Variants in EBF1 observed in about 807,000 individuals in gnomAD.
EBF1 encodes the protein EBF transcription factor 1, also known as transcription factor COE1.
In EBF1, 10 loss-of-function variants were observed where a neutral mutation model predicts 68.4. That is an observed-to-expected ratio of 0.15 (90% CI 0.09 to 0.25). The LOEUF (loss-of-function observed/expected upper bound fraction) is 0.25, where lower values mean the gene tolerates loss of function less well. Among genes scored for constraint, EBF1 ranks in the 10% least tolerant of loss-of-function variants. The pLI is 1.00. For missense variants in EBF1, 509 were observed against 794.4 expected, an observed-to-expected ratio of 0.64 and a Z score of 4.32; for synonymous variants, 298 against 299.8, an observed-to-expected ratio of 0.99 and a Z score of 0.06.
intron 6 of EBF1, among the ~76,000 whole-genome samples, chr5:159,043,019 A>G (rs1247185453): frequency 6.6e-6 from 1 of 152,224 alleles, no homozygotes; most frequent in African/African-American, 2.4e-5. Context: ...TGAAATAATA[A>G]TAGTAGCTGA....
At chr5:158,729,594 T>A (rs1763659703) in intron 11 of EBF1, among the ~76,000 whole-genome samples, 1 of 152,182 alleles carries the variant, frequency 6.6e-6, no homozygotes, top group African/African-American at 2.4e-5. Context: ...ATACCATGGG[T>A]GGAGACTGCT....
At chr5:159,097,519 A>AC (rs1213639189) in intron 1 of EBF1, 8 of 256,192 alleles carry the variant, frequency 3.1e-5, no homozygotes, top group Non-Finnish European at 4.5e-5. Context: ...ATATTCCGGC[A>AC]CCCCTCGAAT....
At chr5:158,878,164 T>C (rs1429358902) in intron 6 of EBF1, among the ~76,000 whole-genome samples, 1 of 152,032 alleles carries the variant, frequency 6.6e-6, no homozygotes, top group East Asian at 1.9e-4. Flanking sequence ...AAATCACCTA[T>C]GACTTTGCAA....
In EBF1 at chr5:159,023,528, A is replaced by C. The variant is rs574210873; in HGVS notation, c.554+49868T>G. Among the ~76,000 whole-genome samples the C allele has an allele frequency of 3.3e-5, 5 of 152,264 alleles. No individual in the cohort carries two copies. In the South Asian group the frequency reaches 1.0e-3, roughly 32 times the overall value. On this transcript the variant is annotated intron_variant, in intron 6 of 15. Coordinates refer to ENST00000313708, the MANE Select transcript of EBF1 (RefSeq NM_024007.5). ...TTCCACGGTCTGAAAACACATCTCC[A>C]AGGAGTGAAGCCCTTGGAACAGAGG...
intron 5 of EBF1, among the ~76,000 whole-genome samples, chr5:159,076,118 C>A (rs1222079137): frequency 1.3e-5 from 2 of 151,572 alleles, no homozygotes; most frequent in African/African-American, 2.4e-5. Context: ...TACTGTCTTT[C>A]TCCCTCTTCT....
At chr5:158,714,038 CTT>C in intron 12 of EBF1, 77 bp downstream of exon 12, 1 of 1,466,154 alleles carries the variant, frequency 6.8e-7, no homozygotes, top group South Asian at 1.1e-5. Flanking sequence ...ATTGTTTGTG[CTT>C]TCTCATTACG....
At chr5:159,094,984 G>A (rs1379383635) in intron 4 of EBF1, among the ~76,000 whole-genome samples, 1 of 152,106 alleles carries the variant, frequency 6.6e-6, no homozygotes, top group Non-Finnish European at 1.5e-5. Context: ...AGAAAATGCC[G>A]TCTATGTACC....
chr5:158,799,437 T>G (rs981384171), intron 8 of EBF1, among the ~76,000 whole-genome samples: 24 of 119,968 alleles, frequency 2.0e-4, no homozygotes, highest in African/African-American at 6.5e-4. Flanking sequence ...ATAAATTAAT[T>G]AATTAAATTA....
At chr5:159,000,873 G>C (rs912430883) in intron 6 of EBF1, among the ~76,000 whole-genome samples, 1 of 152,102 alleles carries the variant, frequency 6.6e-6, no homozygotes, top group African/African-American at 2.4e-5. Context: ...TTAATGTAAG[G>C]AGTTAAAAAA....
chr5:158,830,280 A>AT (rs547266683), intron 7 of EBF1, among the ~76,000 whole-genome samples: 178 of 149,328 alleles, frequency 1.2e-3, no homozygotes, highest in Middle Eastern at 3.4e-3. Context: ...CTGGCCTTTC[A>AT]TTTTTTTTTT....
intron 6 of EBF1, among the ~76,000 whole-genome samples, chr5:158,924,250 T>C (rs140034406): frequency 5.1e-4 from 78 of 152,310 alleles, no homozygotes; most frequent in African/African-American, 1.8e-3. Context: ...GCCTTTTCGC[T>C]GTGAAAGCTC....
chr5:158,710,715 G>T (rs1329650299), intron 14 of EBF1, among the ~76,000 whole-genome samples: 3 of 152,156 alleles, frequency 2.0e-5, no homozygotes, highest in Admixed American at 2.0e-4. Context: ...CTCTTACAGG[G>T]CAAGAATGAT....
At chr5:158,864,480 C>A (rs995367456) in intron 6 of EBF1, among the ~76,000 whole-genome samples, 1 of 152,122 alleles carries the variant, frequency 6.6e-6, no homozygotes, top group Non-Finnish European at 1.5e-5. Flanking sequence ...GGGATCCATT[C>A]CGCAGTGTCC....
At chr5:159,096,940 G>A (rs777258782) in intron 2 of EBF1, 34 bp downstream of exon 2, 3 of 1,608,568 alleles carry the variant, frequency 1.9e-6, no homozygotes, top group African/African-American at 2.7e-5. Context: ...GAGCCGAGCC[G>A]GGGACGAGGG....
At chr5:158,710,535 C>T (rs1758979598) in intron 14 of EBF1, among the ~76,000 whole-genome samples, 2 of 152,152 alleles carry the variant, frequency 1.3e-5, no homozygotes, top group South Asian at 4.1e-4. Context: ...TGATCCTAAA[C>T]ATTGACTTGT....
intron 4 of EBF1, among the ~76,000 whole-genome samples, chr5:159,093,987 C>A (rs1715075947): frequency 6.9e-6 from 1 of 145,870 alleles, no homozygotes. Context: ...TACTTTCCCC[C>A]TCTCCCTCCC....
At chr5:158,986,550 C>T (rs562391903) in intron 6 of EBF1, 2 of 152,128 alleles carry the variant, frequency 1.3e-5, no homozygotes, top group Non-Finnish European at 2.9e-5. Flanking sequence ...TAAAAGCAGC[C>T]AGATATATGG....
At chr5:159,034,346 G>A (rs1453669287) in intron 6 of EBF1, among the ~76,000 whole-genome samples, 1 of 152,072 alleles carries the variant, frequency 6.6e-6, no homozygotes, top group African/African-American at 2.4e-5. Flanking sequence ...CTTGGGGTCA[G>A]GTAATAAATA....
intron 6 of EBF1, among the ~76,000 whole-genome samples, chr5:158,884,490 C>A (rs545168507): frequency 6.6e-6 from 1 of 152,124 alleles, no homozygotes; most frequent in Non-Finnish European, 1.5e-5. Context: ...AAGCACCATG[C>A]TCACTGCTGA....
Sources: allele counts gnomAD v4.1 joint callset (sites outside exome capture counted in the v4.1 genomes callset), GRCh38; gene constraint gnomAD v4.1.1; transcripts MANE v1.5; gene names NCBI Gene and HGNC (gene_info 2026-07-23, HGNC 2026-07-21).